The following TUT4 variants were observed in gnomAD, a reference collection of about 807,000 sequenced individuals.
TUT4 encodes the protein terminal uridylyl transferase 4.
TUT4 carries 36 observed loss-of-function variants against 192.2 expected under a neutral mutation model. That is an observed-to-expected ratio of 0.19 (90% CI 0.14 to 0.25). TUT4 has a LOEUF of 0.25. TUT4 is among the 10% of genes least tolerant of loss of function. TUT4 has a pLI of 1.00. For missense variants in TUT4, 1,493 were observed against 1,957.2 expected (o/e 0.76, Z 4.47); for synonymous variants, 618 against 666.0 (o/e 0.93, Z 1.11).
rs1553174161 is a variant in TUT4, at chr1:52,466,682, A to ATT, written c.2965+1497_2965+1498dup. ...AAAATATATATATATATATATATAT[A>ATT]TTTTTGAGACAGAGTTTCGCTCTTG... On this transcript the variant is annotated intron_variant, in intron 15 of 29. Coordinates refer to ENST00000257177, the MANE Select transcript of TUT4 (RefSeq NM_001009881.3). 8.1e-3 allele frequency among the ~76,000 whole-genome samples: 1,002 copies of ATT among 123,702 alleles called. 7 individuals carry two copies. The highest frequency in any genetic ancestry group is 0.013 in the South Asian group (50 of 3,830). 81.2% of individuals were successfully genotyped at this position (123,702 alleles called of 152,430 possible).
At chr1:52,526,588 T>C (rs941502857) in intron 1 of TUT4, among the ~76,000 whole-genome samples, 12 of 151,972 alleles carry the variant, frequency 7.9e-5, no homozygotes, top group African/African-American at 2.9e-4. Context: ...TCTAATGTAA[T>C]TGTGGTAAAA....
At chr1:52,463,430 GAAGTT>G in intron 16 of TUT4, 2 of 1,022,788 alleles carry the variant, frequency 2.0e-6, no homozygotes, top group Non-Finnish European at 2.4e-6. Context: ...CTTATGGCCA[GAAGTT>G]AAGTCATCAC....
chr1:52,542,840 C>T (rs1297735336), intron 1 of TUT4, among the ~76,000 whole-genome samples: 1 of 152,086 alleles, frequency 6.6e-6, no homozygotes, highest in African/African-American at 2.4e-5. Flanking sequence ...CGGCTCACCG[C>T]AACCTCCGCC....
intron 20 of TUT4, among the ~76,000 whole-genome samples, chr1:52,453,875 A>G (rs112007440): frequency 6.6e-6 from 1 of 152,246 alleles, no homozygotes; most frequent in African/African-American, 2.4e-5. Context: ...AAGCAATTAC[A>G]GCAAGTTTAC....
rs1009748980 is a variant in TUT4 at position 52,423,775 on chromosome 1, G to A, written c.*160C>T. The A allele has an allele frequency of 3.3e-5, 49 of 1,495,352 alleles. No individual in the cohort carries two copies. The highest frequency in any genetic ancestry group is 1.7e-4 in the Middle Eastern group (1 of 5,892). The allele number at this position is 1,495,352 out of a possible 1,614,324, so 92.6% of individuals were successfully genotyped here. A position where few individuals can be genotyped will look rare whatever the true frequency, so the allele number is the denominator to read the frequency against. ...TAGAATTTAAATAAGCTATCTAAAC[G>A]TGTTAAAATTTTAAATCAGGACCTG... is the stretch of plus-strand genomic sequence containing the variant. On this transcript the variant is annotated 3_prime_UTR_variant, in exon 30 of 30. Coordinates refer to ENST00000257177, the MANE Select transcript of TUT4 (RefSeq NM_001009881.3).
intron 9 of TUT4, among the ~76,000 whole-genome samples, chr1:52,482,567 C>T (rs553570693): frequency 6.6e-6 from 1 of 152,234 alleles, no homozygotes; most frequent in East Asian, 1.9e-4. Context: ...GCTGGGACTA[C>T]AGGCATGCAC....
chr1:52,450,373 G>A (rs1191619425), intron 20 of TUT4, among the ~76,000 whole-genome samples: 1 of 152,032 alleles, frequency 6.6e-6, no homozygotes, highest in Non-Finnish European at 1.5e-5. Context: ...ATATCACAAA[G>A]TCCCCCGAAA....
At chr1:52,530,559 G>C (rs555223281) in intron 1 of TUT4, among the ~76,000 whole-genome samples, 4 of 152,258 alleles carry the variant, frequency 2.6e-5, no homozygotes, top group East Asian at 1.9e-4. Context: ...ATCTTTTCTT[G>C]TAAGAGTAGC....
chr1:52,505,810 G>A (rs556261816), intron 4 of TUT4, among the ~76,000 whole-genome samples: 1 of 151,786 alleles, frequency 6.6e-6, no homozygotes, highest in East Asian at 1.9e-4. Flanking sequence ...TTGCTAACAT[G>A]GTAAATCACA....
chr1:52,454,117 G>A (rs543378318), intron 20 of TUT4, among the ~76,000 whole-genome samples: 11 of 152,266 alleles, frequency 7.2e-5, no homozygotes, highest in African/African-American at 2.4e-4. Context: ...TAATTGACAG[G>A]AAGACTCAAA....
Position 52,431,108 on chromosome 1 carries a change from C to A in TUT4, c.4616G>T (p.Arg1539Ile). 6.2e-7 allele frequency: 1 copy of A among 1,614,230 alleles called. No homozygotes were observed. Among genetic ancestry groups the A allele is most frequent in the South Asian group, 1.1e-5 (1 of 91,080 alleles). Residue 1539 changes from arginine to isoleucine, a missense_variant, in exon 28 of 30, where the codon AGA becomes ATA. Coordinates refer to ENST00000257177, the MANE Select transcript of TUT4 (RefSeq NM_001009881.3). ...AGACGTGTTAGGGATTGCCACAGGT[C>A]TGGCAGCAGGCTGTGCAAAGATGAT... is the stretch of plus-strand genomic sequence containing the variant. ...PSIIFAQPAARPVAIPNTSHD... is the reference protein window; with the variant it reads ...PSIIFAQPAAIPVAIPNTSHD...
intron 9 of TUT4, among the ~76,000 whole-genome samples, chr1:52,488,380 A>G (rs1182408141): frequency 3.9e-5 from 6 of 152,220 alleles, no homozygotes; most frequent in Non-Finnish European, 1.5e-5. Context: ...CCCCACATCA[A>G]AGAAATAAAC....
At chr1:52,545,632 T>C (rs1687870445) in intron 1 of TUT4, among the ~76,000 whole-genome samples, 1 of 152,054 alleles carries the variant, frequency 6.6e-6, no homozygotes, top group Non-Finnish European at 1.5e-5. Flanking sequence ...TCCAATGAGA[T>C]ACCAACTCAC....
chr1:52,427,344 C>A lies in TUT4; in HGVS notation c.4712-1837G>T, dbSNP rs114631586. 8.7e-3 allele frequency among the ~76,000 whole-genome samples: 1,323 copies of A among 152,032 alleles called. 17 individuals are homozygous for A. The highest frequency in any genetic ancestry group is 0.03 in the African/African-American group (1,226 of 41,462). Reference sequence around the variant, plus strand: ...AGCAGAGGTAACGGAGAGGACATTCCAAGCAGAAGGAACAACTTAGATAAG... The same window carrying A: ...AGCAGAGGTAACGGAGAGGACATTCAAAGCAGAAGGAACAACTTAGATAAG... On this transcript the variant is annotated intron_variant, in intron 28 of 29. Coordinates refer to ENST00000257177, the MANE Select transcript of TUT4 (RefSeq NM_001009881.3).
intron 20 of TUT4, among the ~76,000 whole-genome samples, chr1:52,450,213 T>C (rs1308654348): frequency 4.6e-5 from 7 of 152,184 alleles, no homozygotes; most frequent in Non-Finnish European, 5.9e-5. Flanking sequence ...GCAGACATCA[T>C]TAGCTTCTTT....
intron 20 of TUT4, among the ~76,000 whole-genome samples, chr1:52,450,868 G>A (rs114795250): frequency 1.1e-3 from 174 of 152,116 alleles, no homozygotes; most frequent in African/African-American, 4.0e-3. Flanking sequence ...TCAAATTTGT[G>A]GTCCATTTTT....
intron 4 of TUT4, among the ~76,000 whole-genome samples, chr1:52,502,639 G>T: frequency 9.8e-6 from 1 of 101,670 alleles, no homozygotes; most frequent in Admixed American, 1.1e-4. Flanking sequence ...TTTTGAGATG[G>T]GATCTCACTC....
In TUT4 at chr1:52,529,017, A is replaced by G. The variant is rs182328198; in HGVS notation, c.-93-2644T>C. Among the ~76,000 whole-genome samples, 34 of 152,170 alleles carry G rather than the reference A, an allele frequency of 2.2e-4. No individual in the cohort carries two copies. In the East Asian group the frequency reaches 6.2e-3, roughly 28 times the overall value. On this transcript the variant is annotated intron_variant, in intron 1 of 29. Coordinates refer to ENST00000257177, the MANE Select transcript of TUT4 (RefSeq NM_001009881.3). ...AATGAGCCACCACACTTGGCCAATAATTCTTCTTTATAGTGCAGTCCTCTA... is the reference window on the plus strand; with the variant it reads ...AATGAGCCACCACACTTGGCCAATAGTTCTTCTTTATAGTGCAGTCCTCTA...
At chr1:52,530,913 G>A (rs1683207757) in intron 1 of TUT4, among the ~76,000 whole-genome samples, 1 of 152,110 alleles carries the variant, frequency 6.6e-6, no homozygotes, top group South Asian at 2.1e-4. Flanking sequence ...TGAGGTAGGA[G>A]GATGGCTTGA....
Sources: gnomAD v4.1 joint callset for allele counts (sites outside exome capture counted in the v4.1 genomes callset) on GRCh38, gnomAD v4.1.1 for gene constraint, MANE v1.5 for transcripts, NCBI Gene and HGNC (gene_info 2026-07-23, HGNC 2026-07-21) for gene names.